PRKG1: variants seen among roughly 807,000 people sequenced by gnomAD.
PRKG1 encodes the protein cGMP-dependent protein kinase 1.
In PRKG1, 35 loss-of-function variants were observed where a neutral mutation model predicts 88.1. The ratio of observed to expected loss-of-function variants is 0.40; its 90% CI spans 0.30 to 0.53. The LOEUF (loss-of-function observed/expected upper bound fraction) is 0.53, where lower values mean the gene tolerates loss of function less well. Ranked by LOEUF, PRKG1 falls within the 20% of genes least tolerant of loss-of-function variation. PRKG1 has a pLI of 0.59. For missense variants in PRKG1, 540 were observed against 839.8 expected (o/e 0.64, Z 4.41); for synonymous variants, 303 against 292.5 (o/e 1.04, Z -0.37).
chr10:51,003,598 A>G (rs1340299695), intron 1 of PRKG1, among the ~76,000 whole-genome samples: 6 of 152,226 alleles, frequency 3.9e-5, no homozygotes, highest in Admixed American at 3.3e-4. Flanking sequence ...TTCTTAGCCT[A>G]TGTCTGCTTC....
chr10:51,566,525 C>T (rs144670196), intron 3 of PRKG1, among the ~76,000 whole-genome samples: 1 of 152,112 alleles, frequency 6.6e-6, no homozygotes, highest in East Asian at 1.9e-4. Context: ...AGATTATATA[C>T]ACAGTGAGTT....
At chr10:51,862,877 T>A (rs1471020173) in intron 4 of PRKG1, among the ~76,000 whole-genome samples, 1 of 152,172 alleles carries the variant, frequency 6.6e-6, no homozygotes, top group African/African-American at 2.4e-5. Flanking sequence ...TATGTTACAG[T>A]GCCTGGCCTA....
chr10:51,318,220 T>TTTCTTAGCTTATGC (rs1841370625), intron 2 of PRKG1, among the ~76,000 whole-genome samples: 1 of 152,148 alleles, frequency 6.6e-6, no homozygotes, highest in Non-Finnish European at 1.5e-5. Flanking sequence ...AATATGGAAA[T>TTTCTTAGCTTATGC]TTATGTTTCT....
intron 2 of PRKG1, among the ~76,000 whole-genome samples, chr10:51,363,677 G>A (rs997297043): frequency 2.0e-5 from 3 of 151,768 alleles, no homozygotes; most frequent in African/African-American, 7.3e-5. Flanking sequence ...ACAGCTTAAG[G>A]TGATGGTGGT....
At chr10:51,326,612 T>G (rs1012084448) in intron 2 of PRKG1, among the ~76,000 whole-genome samples, 3 of 152,204 alleles carry the variant, frequency 2.0e-5, no homozygotes, top group Non-Finnish European at 4.4e-5. Context: ...TAGCTAATTT[T>G]CTTTCTTGAT....
intron 5 of PRKG1, among the ~76,000 whole-genome samples, chr10:51,985,867 G>A (rs531666309): frequency 2.0e-5 from 3 of 152,188 alleles, no homozygotes; most frequent in South Asian, 2.1e-4. Context: ...TGTTAGACCC[G>A]TTGCAAGTGG....
intron 4 of PRKG1, among the ~76,000 whole-genome samples, chr10:51,880,936 C>T (rs1037766500): frequency 6.6e-6 from 1 of 151,690 alleles, no homozygotes; most frequent in Non-Finnish European, 1.5e-5. Flanking sequence ...CAAATAACTA[C>T]CCAAGTAATT....
At chr10:51,741,150 A>T (rs989873472) in intron 3 of PRKG1, among the ~76,000 whole-genome samples, 4 of 152,016 alleles carry the variant, frequency 2.6e-5, no homozygotes, top group Non-Finnish European at 5.9e-5. Flanking sequence ...TTGGTGAAAA[A>T]AAAAAGACAT....
chr10:51,111,176 T>C (rs1844971113), intron 1 of PRKG1, among the ~76,000 whole-genome samples: 1 of 152,124 alleles, frequency 6.6e-6, no homozygotes, highest in African/African-American at 2.4e-5. Context: ...ATTTTACTAC[T>C]TTATGCAGTA....
intron 3 of PRKG1, among the ~76,000 whole-genome samples, chr10:51,540,970 G>A (rs1400851877): frequency 3.9e-5 from 6 of 152,134 alleles, no homozygotes; most frequent in Non-Finnish European, 1.5e-5. Context: ...ATCCACCTGG[G>A]CCTCCCAAAG....
At chr10:52,193,447 C>T (rs757510432) in intron 9 of PRKG1, among the ~76,000 whole-genome samples, 1 of 149,400 alleles carries the variant, frequency 6.7e-6, no homozygotes, top group Non-Finnish European at 1.5e-5. Context: ...ACTTGGGAGG[C>T]TGAGGCAGGA....
At chr10:51,037,737 C>T (rs1172152327) in intron 1 of PRKG1, among the ~76,000 whole-genome samples, 2 of 151,640 alleles carry the variant, frequency 1.3e-5, no homozygotes, top group Admixed American at 1.3e-4. Flanking sequence ...GAGCCAAGAT[C>T]ACACCACTGC....
intron 2 of PRKG1, among the ~76,000 whole-genome samples, chr10:51,252,359 G>T (rs998416235): frequency 2.0e-5 from 3 of 151,528 alleles, no homozygotes; most frequent in Admixed American, 6.6e-5. Flanking sequence ...CAAACACTTG[G>T]TGCTTATTTT....
chr10:52,060,611 T>G (rs1846214290), intron 6 of PRKG1, among the ~76,000 whole-genome samples: 1 of 151,896 alleles, frequency 6.6e-6, no homozygotes, highest in Non-Finnish European at 1.5e-5. Context: ...AAATGCCATC[T>G]AATACCTACC....
intron 2 of PRKG1, among the ~76,000 whole-genome samples, chr10:51,259,547 C>T (rs1490804894): frequency 3.9e-5 from 6 of 152,184 alleles, no homozygotes; most frequent in Admixed American, 3.9e-4. Flanking sequence ...AATCTTGGCT[C>T]ACTGCAACCT....
intron 3 of PRKG1, among the ~76,000 whole-genome samples, chr10:51,624,785 T>C (rs1839293439): frequency 6.6e-6 from 1 of 152,222 alleles, no homozygotes; most frequent in African/African-American, 2.4e-5. Flanking sequence ...AGTCTGATTA[T>C]GGGAAAATAT....
rs754565935 is a variant in PRKG1 at position 50,991,675 on chromosome 10, C to T, written c.266+31C>T. ...CGCGGAGGCCGTGGGCCCGGGCGCT[C>T]GTCCCGGCCCGCGGCGCAGAGGCTG... On this transcript the variant is annotated intron_variant, in intron 1 of 17. Transcript: ENST00000401604. The surrounding 1 kb of genome is among the most constrained non-coding windows in gnomAD (Gnocchi z 4.5). The T allele has an allele frequency of 7.1e-6, 10 of 1,414,850 alleles. No homozygotes were observed. The Admixed American group carries it at 1.4e-4, about 19-fold the overall frequency. The allele number at this position is 1,414,850 out of a possible 1,614,324, so 87.6% of individuals were successfully genotyped here. A position where few individuals can be genotyped will look rare whatever the true frequency, so the allele number is the denominator to read the frequency against.
intron 2 of PRKG1, among the ~76,000 whole-genome samples, chr10:51,333,078 T>C (rs1044662849): frequency 5.3e-5 from 8 of 152,168 alleles, no homozygotes; most frequent in African/African-American, 1.9e-4. Flanking sequence ...GACATCATGG[T>C]CTTAACTGAA....
chr10:51,620,610 A>G (rs981595338), intron 3 of PRKG1, among the ~76,000 whole-genome samples: 6 of 152,056 alleles, frequency 3.9e-5, no homozygotes, highest in Admixed American at 1.3e-4. Context: ...GTTATACTCA[A>G]TCATTTATTT....
Sources: gnomAD v4.1 joint callset for allele counts (sites outside exome capture counted in the v4.1 genomes callset) on GRCh38, gnomAD v4.1.1 for gene constraint, Gnocchi (gnomAD v3.1) non-coding constraint, MANE v1.5 for transcripts, NCBI Gene and HGNC (gene_info 2026-07-23, HGNC 2026-07-21) for gene names.